MAF: variants seen among roughly 807,000 people sequenced by gnomAD.
The protein encoded by MAF is MAF bZIP transcription factor, also known as transcription factor Maf.
MAF carries 10 observed loss-of-function variants against 22.0 expected under a neutral mutation model. The ratio of observed to expected loss-of-function variants is 0.45; its 90% CI spans 0.28 to 0.77. The LOEUF is 0.77. Among genes scored for constraint, MAF ranks in the 30% least tolerant of loss-of-function variants. The pLI is 0.12. For synonymous variants in MAF, 337 were observed against 255.8 expected (o/e 1.32, Z -3.03); for missense variants, 544 against 548.4 (o/e 0.99, Z 0.08).
At chr16:79,543,919 C>G in the MAF span, among the ~76,000 whole-genome samples, 1 of 151,924 alleles carries the variant, frequency 6.6e-6, no homozygotes, top group Non-Finnish European at 1.5e-5. Flanking sequence ...ATCTCCAGAC[C>G]TCGTGATCCA....
At chr16:79,496,249 T>C in the MAF span, among the ~76,000 whole-genome samples, 3 of 152,072 alleles carry the variant, frequency 2.0e-5, no homozygotes, top group East Asian at 5.8e-4. Context: ...AGAAAGAGAA[T>C]AGGGAATTCC....
At chr16:79,445,680 C>T in the MAF span, among the ~76,000 whole-genome samples, 2,734 of 152,194 alleles carry the variant, frequency 0.018, 102 homozygotes, top group African/African-American at 0.063. Flanking sequence ...GTACAGAATA[C>T]GCTTTGTCGA....
chr16:79,340,896 G>T, the MAF span, among the ~76,000 whole-genome samples: 2 of 152,136 alleles, frequency 1.3e-5, no homozygotes, highest in Non-Finnish European at 2.9e-5. Context: ...TGCTAAGTGG[G>T]TATGATACAC....
At chr16:79,226,643 A>T in the MAF span, among the ~76,000 whole-genome samples, 1 of 151,990 alleles carries the variant, frequency 6.6e-6, no homozygotes, top group South Asian at 2.1e-4. Context: ...GTACCTACAA[A>T]TACGTATTGA....
chr16:79,515,579 C>T, the MAF span, among the ~76,000 whole-genome samples: 1 of 152,196 alleles, frequency 6.6e-6, no homozygotes, highest in African/African-American at 2.4e-5. Context: ...GAATTAAATG[C>T]ATTTTTGACT....
the MAF span, among the ~76,000 whole-genome samples, chr16:79,282,096 T>A: frequency 1.3e-5 from 2 of 151,790 alleles, no homozygotes; most frequent in Non-Finnish European, 1.5e-5. Context: ...AGGTCAGGAG[T>A]TCGAGACCAG....
At chr16:79,340,229 C>T in the MAF span, among the ~76,000 whole-genome samples, 1,340 of 152,098 alleles carry the variant, frequency 8.8e-3, 22 homozygotes, top group African/African-American at 0.031. Context: ...GCAGAGATAA[C>T]AGGAGAGCAG....
the MAF span, among the ~76,000 whole-genome samples, chr16:79,228,063 G>A: frequency 1.3e-5 from 2 of 151,834 alleles, no homozygotes; most frequent in South Asian, 2.1e-4. Flanking sequence ...ACCACCACAC[G>A]CAGCTAAGTA....
chr16:79,464,138 C>T, the MAF span, among the ~76,000 whole-genome samples: 34 of 152,146 alleles, frequency 2.2e-4, no homozygotes, highest in Admixed American at 2.2e-3. Context: ...GGAACAAGGT[C>T]TTAAGGCTGG....
chr16:79,300,037 C>A, the MAF span, among the ~76,000 whole-genome samples: 10 of 152,226 alleles, frequency 6.6e-5, no homozygotes, highest in African/African-American at 2.4e-4. Context: ...TCCCACCTGG[C>A]GTCTCTTCCG....
the MAF span, among the ~76,000 whole-genome samples, chr16:79,445,686 G>C: frequency 6.6e-6 from 1 of 152,142 alleles, no homozygotes. Context: ...AATACGCTTT[G>C]TCGACTGATT....
At chr16:79,529,886 G>A in the MAF span, among the ~76,000 whole-genome samples, 5 of 138,872 alleles carry the variant, frequency 3.6e-5, no homozygotes, top group African/African-American at 1.3e-4. Context: ...GCTTGAACCT[G>A]GGAGGCGGAG....
the MAF span, among the ~76,000 whole-genome samples, chr16:79,460,424 A>G: frequency 6.6e-6 from 1 of 152,198 alleles, no homozygotes; most frequent in African/African-American, 2.4e-5. Flanking sequence ...TACCTTCATA[A>G]TATACTAAAC....
the MAF span, among the ~76,000 whole-genome samples, chr16:79,296,671 T>C: frequency 6.6e-6 from 1 of 152,076 alleles, no homozygotes; most frequent in Non-Finnish European, 1.5e-5. Flanking sequence ...TTGACCACAT[T>C]AGAGTCTTGA....
At chr16:79,517,173 C>A in the MAF span, among the ~76,000 whole-genome samples, 1 of 152,108 alleles carries the variant, frequency 6.6e-6, no homozygotes, top group Non-Finnish European at 1.5e-5. Flanking sequence ...GAGTTCTAAT[C>A]TTCATTCCTT....
chr16:79,443,717 T>G, the MAF span, among the ~76,000 whole-genome samples: 1 of 152,348 alleles, frequency 6.6e-6, no homozygotes, highest in South Asian at 2.1e-4. Context: ...CGACTTGTTC[T>G]TGGTCACAAG....
chr16:79,504,280 C>T, the MAF span, among the ~76,000 whole-genome samples: 236 of 152,250 alleles, frequency 1.6e-3, no homozygotes, highest in African/African-American at 5.6e-3. Flanking sequence ...CCTTTTGTCC[C>T]TTATAGCTGA....
the MAF span, among the ~76,000 whole-genome samples, chr16:79,424,201 C>G: frequency 6.6e-6 from 1 of 152,164 alleles, no homozygotes; most frequent in African/African-American, 2.4e-5. Flanking sequence ...TTTGCAAACA[C>G]CCTGTTTGTC....
the MAF span, among the ~76,000 whole-genome samples, chr16:79,580,638 G>T: frequency 3.9e-5 from 6 of 152,150 alleles, no homozygotes; most frequent in East Asian, 7.8e-4. Context: ...CAGCTGAGTG[G>T]CCCCAGCTCC....
Sources: allele counts gnomAD v4.1 joint callset (sites outside exome capture counted in the v4.1 genomes callset), GRCh38; gene constraint gnomAD v4.1.1; transcripts MANE v1.5; gene names NCBI Gene and HGNC (gene_info 2026-07-23, HGNC 2026-07-21).